PNLIP: variants seen among roughly 807,000 people sequenced by gnomAD.
PNLIP encodes pancreatic triacylglycerol lipase.
In PNLIP, 49 loss-of-function variants were observed where a neutral mutation model predicts 57.1. The observed-to-expected ratio is 0.86, with a 90% CI of 0.68 to 1.09. The LOEUF (loss-of-function observed/expected upper bound fraction) is 1.09. PNLIP is among the 50% of genes least tolerant of loss of function. PNLIP has a pLI of 0.00. For synonymous variants in PNLIP, 209 were observed against 200.4 expected (o/e 1.04, Z -0.36); for missense variants, 503 against 570.2 (o/e 0.88, Z 1.20).
chr10:116,561,660 A>T, intron 12 of PNLIP, 24 bp downstream of exon 12: 1 of 1,589,180 alleles, frequency 6.3e-7, no homozygotes, highest in South Asian at 1.1e-5. Context: ...ATCCCAGGAG[A>T]TGTGAAATAT....
intron 11 of PNLIP, among the ~76,000 whole-genome samples, 183 bp downstream of exon 11, chr10:116,560,707 A>T (rs1023066651): frequency 2.6e-5 from 4 of 151,622 alleles, no homozygotes; most frequent in Non-Finnish European, 4.4e-5. Context: ...CCTCCCGAGT[A>T]GCTGGGATTA....
intron 9 of PNLIP, among the ~76,000 whole-genome samples, 180 bp downstream of exon 9, chr10:116,556,298 A>C (rs1170996374): frequency 3.3e-5 from 5 of 152,226 alleles, no homozygotes; most frequent in African/African-American, 7.2e-5. Flanking sequence ...GAGCTTGTAC[A>C]TGGAAATGTC....
At chr10:116,555,362 A>T (rs1847241931) in intron 7 of PNLIP, 26 bp from the exon 8 acceptor site, 2 of 1,613,880 alleles carry the variant, frequency 1.2e-6, no homozygotes, top group South Asian at 2.2e-5. Flanking sequence ...ATTAGCATAA[A>T]CCCTCATGTA....
chr10:116,561,475 CA>C lies in PNLIP; in HGVS notation c.1174del (p.Thr392LeufsTer32), dbSNP rs1157795258. The C allele has an allele frequency of 6.2e-7, 1 of 1,609,682 alleles. No individual in the cohort carries two copies. The part of the protein sequence containing the change: ...NSKQYEIFKG[T>X]LKPDSTHSNE... Reference sequence around the variant, plus strand: ...TGTTAACTTCTTAAATCCTTAGGGGCACTCTCAAACCAGATAGTACTCATTC... The same window carrying C: ...TGTTAACTTCTTAAATCCTTAGGGGCCTCTCAAACCAGATAGTACTCATTC... On this transcript the variant is annotated frameshift_variant, in exon 12 of 13. Transcript: ENST00000369221. LOFTEE classifies it high-confidence loss of function.
intron 9 of PNLIP, among the ~76,000 whole-genome samples, chr10:116,557,827 T>TC (rs1847268584): frequency 6.6e-6 from 1 of 152,162 alleles, no homozygotes; most frequent in Non-Finnish European, 1.5e-5. Context: ...AGGGGTATTT[T>TC]CCTATACGAA....
chr10:116,561,751 T>G (rs1847318211), intron 12 of PNLIP, 115 bp downstream of exon 12: 1 of 844,096 alleles, frequency 1.2e-6, no homozygotes, highest in African/African-American at 1.7e-5. Flanking sequence ...TACATCCTAG[T>G]TGCAGTTGCT....
chr10:116,563,810 T>C (rs1190673245), intron 12 of PNLIP, among the ~76,000 whole-genome samples: 2 of 152,088 alleles, frequency 1.3e-5, no homozygotes, highest in African/African-American at 4.8e-5. Context: ...GATTAGACAT[T>C]ATAGAAGACA....
At chr10:116,563,307 G>A (rs989092642) in intron 12 of PNLIP, among the ~76,000 whole-genome samples, 5 of 152,106 alleles carry the variant, frequency 3.3e-5, no homozygotes, top group Admixed American at 3.3e-4. Flanking sequence ...AATCTGAAAT[G>A]TTCCAATAAG....
At chr10:116,560,196 A>G (rs560923023) in intron 10 of PNLIP, among the ~76,000 whole-genome samples, 1 of 152,066 alleles carries the variant, frequency 6.6e-6, no homozygotes, top group Admixed American at 6.6e-5. Context: ...CTTTGAAAAA[A>G]TTCTGCAAAG....
intron 4 of PNLIP, among the ~76,000 whole-genome samples, chr10:116,549,270 G>T (rs1446789495): frequency 1.3e-5 from 2 of 152,052 alleles, no homozygotes; most frequent in East Asian, 3.9e-4. Flanking sequence ...GAGGTCAGGA[G>T]TTCGAGACCA....
At chr10:116,547,803 T>C (rs574571326) in intron 3 of PNLIP, among the ~76,000 whole-genome samples, 2 of 151,402 alleles carry the variant, frequency 1.3e-5, no homozygotes, top group South Asian at 2.1e-4. Context: ...AATATTCAAG[T>C]TCTTAAGAGA....
chr10:116,547,973 A>G (rs1012707384), intron 3 of PNLIP, among the ~76,000 whole-genome samples: 4 of 152,086 alleles, frequency 2.6e-5, no homozygotes, highest in African/African-American at 9.7e-5. Context: ...GGCTATATTT[A>G]TACATATAAA....
intron 8 of PNLIP, 140 bp downstream of exon 8, chr10:116,555,647 A>G: frequency 1.0e-6 from 1 of 985,412 alleles, no homozygotes; most frequent in Non-Finnish European, 1.5e-6. Context: ...CATGAGATGT[A>G]GGTTTTCACT....
At chr10:116,556,192 A>G in intron 9 of PNLIP, 74 bp downstream of exon 9, 2 of 798,722 alleles carry the variant, frequency 2.5e-6, no homozygotes, top group East Asian at 4.9e-5. Context: ...TTTCCTATAC[A>G]TGACATCATT....
At chr10:116,556,740 T>A (rs1325717631) in intron 9 of PNLIP, among the ~76,000 whole-genome samples, 1 of 152,080 alleles carries the variant, frequency 6.6e-6, no homozygotes, top group African/African-American at 2.4e-5. Flanking sequence ...GTTTTTTTTT[T>A]TATAAAATTG....
chr10:116,550,053 CTTT>C (rs1176488381), intron 4 of PNLIP, among the ~76,000 whole-genome samples: 1,059 of 98,776 alleles, frequency 0.011, 7 homozygotes, highest in African/African-American at 0.04. Flanking sequence ...TTCTCAAATT[CTTT>C]TTTTTTTTTT....
At chr10:116,563,126 C>A (rs1376078959) in intron 12 of PNLIP, among the ~76,000 whole-genome samples, 1 of 152,088 alleles carries the variant, frequency 6.6e-6, no homozygotes, top group Non-Finnish European at 1.5e-5. Flanking sequence ...AGTTCTTAAA[C>A]CTGTATCCAT....
intron 9 of PNLIP, among the ~76,000 whole-genome samples, chr10:116,558,586 TAC>T (rs200473025): frequency 1.2e-3 from 175 of 147,224 alleles, no homozygotes; most frequent in African/African-American, 1.9e-3. Context: ...AGAAGATAGA[TAC>T]ACACACACAC....
At chr10:116,553,115 A>T (rs1359687624) in intron 5 of PNLIP, among the ~76,000 whole-genome samples, 1 of 151,576 alleles carries the variant, frequency 6.6e-6, no homozygotes, top group Non-Finnish European at 1.5e-5. Flanking sequence ...GAATTTTTTT[A>T]TTTTTTTTCA....
Sources: allele counts gnomAD v4.1 joint callset (sites outside exome capture counted in the v4.1 genomes callset), GRCh38; gene constraint gnomAD v4.1.1; transcripts MANE v1.5; gene names NCBI Gene and HGNC (gene_info 2026-07-23, HGNC 2026-07-21).